COLGALT1: variants seen among roughly 807,000 people sequenced by gnomAD.
COLGALT1 encodes procollagen galactosyltransferase 1.
Under a neutral mutation model 60.8 loss-of-function variants are expected in COLGALT1, and 43 were observed. The ratio of observed to expected loss-of-function variants is 0.71; its 90% CI spans 0.55 to 0.91. The LOEUF (loss-of-function observed/expected upper bound fraction) is 0.91, where lower values mean the gene tolerates loss of function less well. Among genes scored for constraint, COLGALT1 ranks in the 40% least tolerant of loss-of-function variants. The pLI, the probability that COLGALT1 is intolerant of heterozygous loss-of-function variation, is 0.00. For missense variants in COLGALT1, 845 were observed against 880.0 expected (o/e 0.96, Z 0.50); for synonymous variants, 369 against 374.2 (o/e 0.99, Z 0.16).
chr19:17,577,833 G>GCTACA (rs2076353774), intron 8 of COLGALT1, 124 bp from the exon 9 acceptor site: 1 of 1,308,714 alleles, frequency 7.6e-7, no homozygotes, highest in African/African-American at 1.5e-5. Context: ...TGCCCGGAAG[G>GCTACA]GGTGCCAGTG....
At position 17,580,904 on chromosome 19, in the gene COLGALT1, G is replaced by A; in HGVS notation, c.1600G>A (p.Val534Met). The A allele has an allele frequency of 1.2e-6, 2 of 1,613,580 alleles. No individual in the cohort carries two copies. The highest frequency in any genetic ancestry group is 1.7e-6 in the Non-Finnish European group (2 of 1,180,004). ...FLPVMFDKHP[V>M]SEYKAHFSLR... ...GCCCGTCATGTTCGACAAACACCCA[G>A]TGTGAGAGGGGCAGGCGGCTGCTGG... The change falls in exon 11 of 12, where the codon GTG (valine) becomes ATG (methionine). Residue 534 changes from valine to methionine, a missense_variant and splice_region_variant. Coordinates refer to ENST00000252599, the MANE Select transcript of COLGALT1 (RefSeq NM_024656.4).
intron 5 of COLGALT1, among the ~76,000 whole-genome samples, chr19:17,569,000 G>A (rs945784991): frequency 9.2e-5 from 14 of 152,112 alleles, no homozygotes; most frequent in Admixed American, 3.3e-4. Context: ...AGGCTAAGGC[G>A]GGTGGATCAT....
intron 3 of COLGALT1, among the ~76,000 whole-genome samples, chr19:17,564,084 A>T (rs1243283207): frequency 1.3e-5 from 2 of 149,766 alleles, no homozygotes; most frequent in African/African-American, 4.9e-5. Context: ...TACAAAAACT[A>T]ACAAAAAAAA....
rs539632011 is a variant in COLGALT1, at chr19:17,556,282, C to A, written c.260+309C>A. Among the ~76,000 whole-genome samples, 22 of 152,340 alleles carry A rather than the reference C, an allele frequency of 1.4e-4. No homozygotes were observed. The East Asian group carries it at 3.3e-3, about 23-fold the overall frequency. On this transcript the variant is annotated intron_variant, in intron 1 of 11. Coordinates refer to ENST00000252599, the MANE Select transcript of COLGALT1 (RefSeq NM_024656.4). ...GGGGTGGGCTGGGCACCGCTTCTGC[C>A]TGCTGGACCCTACTAGGGCAGCTCC...
chr19:17,568,106 A>G (rs1485279020), intron 4 of COLGALT1, among the ~76,000 whole-genome samples: 2 of 152,180 alleles, frequency 1.3e-5, no homozygotes, highest in Non-Finnish European at 2.9e-5. Context: ...CTAAAGTCAC[A>G]CAGCTAGCAA....
chr19:17,563,792 T>A (rs2076263635), intron 3 of COLGALT1, among the ~76,000 whole-genome samples: 1 of 152,098 alleles, frequency 6.6e-6, no homozygotes, highest in Non-Finnish European at 1.5e-5. Context: ...CTGCGCCTGG[T>A]CACAAAATTA....
At chr19:17,576,187 A>G (rs1417187859) in intron 6 of COLGALT1, among the ~76,000 whole-genome samples, 4 of 152,100 alleles carry the variant, frequency 2.6e-5, no homozygotes, top group African/African-American at 9.7e-5. Context: ...GTCCTTCCCA[A>G]AGGGCTCACA....
chr19:17,573,539 T>A (rs1022915984), intron 6 of COLGALT1, among the ~76,000 whole-genome samples: 14 of 148,476 alleles, frequency 9.4e-5, no homozygotes, highest in African/African-American at 2.7e-4. Flanking sequence ...AAAAAAAAAA[T>A]TTTTTTTTAA....
chr19:17,581,536 A>G lies in COLGALT1; in HGVS notation c.*92A>G. The G allele has an allele frequency of 1.4e-6, 2 of 1,464,642 alleles. No individual in the cohort carries two copies. The highest frequency in any genetic ancestry group is 1.8e-6 in the Non-Finnish European group (2 of 1,105,182). 90.7% of individuals were successfully genotyped at this position (1,464,642 alleles called of 1,614,324 possible). A position where few individuals can be genotyped will look rare whatever the true frequency, so the allele number is the denominator to read the frequency against. ...CAGGTCCACCTCTGGACCCCTTGGC[A>G]GGCCACAGAGGGCTCTCGTGTGGGG... On this transcript the variant is annotated 3_prime_UTR_variant, in exon 12 of 12. Transcript: ENST00000252599.
rs1337347081 is a variant in COLGALT1, at chr19:17,568,609, T to C, written c.725T>C (p.Leu242Pro). ...GTGCACTCGACCTTCCTGATCGACC[T>C]GCGGAAGGCGGCGTCCAGGAACCTG... ...PMVHSTFLID[L>P]RKAASRNLAF... The change falls in exon 5 of 12, where the codon CTG (leucine) becomes CCG (proline). Residue 242 changes from leucine to proline, a missense_variant. Leu to Pro is a moderately conservative substitution (Grantham distance 98). Transcript: ENST00000252599. 1.2e-6 allele frequency: 2 copies of C among 1,614,108 alleles called. No individual in the cohort carries two copies. The highest frequency in any genetic ancestry group is 1.7e-6 in the Non-Finnish European group (2 of 1,180,046).
intron 3 of COLGALT1, among the ~76,000 whole-genome samples, chr19:17,564,314 C>T (rs191734045): frequency 1.0e-4 from 15 of 146,932 alleles, no homozygotes; most frequent in Non-Finnish European, 1.8e-4. Context: ...TACATATATA[C>T]GTGTATATGT....
intron 6 of COLGALT1, among the ~76,000 whole-genome samples, chr19:17,574,289 G>A (rs2076328704): frequency 2.0e-5 from 3 of 151,920 alleles, no homozygotes. Flanking sequence ...CCCCCTGGTG[G>A]CTCAAGATGG....
At chr19:17,560,295 G>C (rs754616765) in intron 2 of COLGALT1, 53 bp from the exon 3 acceptor site, 2 of 1,492,368 alleles carry the variant, frequency 1.3e-6, no homozygotes, top group East Asian at 2.3e-5. Context: ...TCAGGCCCTC[G>C]CTGGGCTTTG....
chr19:17,570,526 C>T (rs549325627), intron 5 of COLGALT1, among the ~76,000 whole-genome samples: 5 of 152,156 alleles, frequency 3.3e-5, no homozygotes, highest in East Asian at 1.9e-4. Flanking sequence ...GGAATACAAA[C>T]GTGAGCTACG....
intron 5 of COLGALT1, chr19:17,571,908 A>G (rs2076314928): frequency 6.6e-6 from 1 of 152,056 alleles, no homozygotes; most frequent in Non-Finnish European, 1.5e-5. Flanking sequence ...GCAGTGTGCC[A>G]TCATAGCTCA....
chr19:17,556,599 C>T, intron 1 of COLGALT1: 1 of 939,034 alleles, frequency 1.1e-6, no homozygotes, highest in Non-Finnish European at 1.3e-6. Flanking sequence ...ACTTCTCACT[C>T]CCTGCCTCAG....
In COLGALT1 at chr19:17,555,945, C is replaced by T; in HGVS notation, c.232C>T (p.Arg78Trp). The T allele has an allele frequency of 2.9e-6, 4 of 1,385,616 alleles. No individual in the cohort carries two copies. Among genetic ancestry groups the T allele is most frequent in the South Asian group, 1.5e-5 (1 of 66,276 alleles). The allele number at this position is 1,385,616 out of a possible 1,614,324, so 85.8% of individuals were successfully genotyped here. A position where few individuals can be genotyped will look rare whatever the true frequency, so the allele number is the denominator to read the frequency against. The change falls in exon 1 of 12, where the codon CGG (arginine) becomes TGG (tryptophan). Residue 78 changes from arginine (R) to tryptophan (W), a missense_variant. Arg to Trp is a moderately radical substitution (Grantham distance 101). Transcript: ENST00000252599. ...CACGCTGGGCGCACTCGAGCGGCTGCGGCACCCGCGGGAGCGCACGGCGCT... is the reference window on the plus strand; with the variant it reads ...CACGCTGGGCGCACTCGAGCGGCTGTGGCACCCGCGGGAGCGCACGGCGCT... The part of the protein sequence containing the change: ...PTTLGALERL[R>W]HPRERTALWV...
chr19:17,569,689 G>A (rs1035069162), intron 5 of COLGALT1, among the ~76,000 whole-genome samples: 2 of 151,846 alleles, frequency 1.3e-5, no homozygotes, highest in African/African-American at 4.8e-5. Context: ...CGCCCACCTC[G>A]GCCTCCCAAA....
chr19:17,582,709 T>A lies in COLGALT1; in HGVS notation c.*1265T>A, dbSNP rs1199720629. ...TTGATTCTTCCTGTACCCTCGGTCG[T>A]CTGAGCTGTGTGCAGACAACATCCC... On this transcript the variant is annotated 3_prime_UTR_variant, in exon 12 of 12. Coordinates refer to ENST00000252599, the MANE Select transcript of COLGALT1 (RefSeq NM_024656.4). The A allele has an allele frequency of 6.6e-6, 1 of 152,250 alleles. No homozygotes were observed. The highest frequency in any genetic ancestry group is 1.5e-5 in the Non-Finnish European group (1 of 68,060). 9.4% of individuals were successfully genotyped at this position (152,250 alleles called of 1,614,324 possible).
Sources: allele counts gnomAD v4.1 joint callset (sites outside exome capture counted in the v4.1 genomes callset), GRCh38; gene constraint gnomAD v4.1.1; transcripts MANE v1.5; gene names NCBI Gene and HGNC (gene_info 2026-07-23, HGNC 2026-07-21).